Variants in LEPR observed in about 807,000 individuals in gnomAD.
LEPR encodes OB receptor.
Under a neutral mutation model 114.7 loss-of-function variants are expected in LEPR, and 56 were observed. That is an observed-to-expected ratio of 0.49 (90% CI 0.39 to 0.61). The LOEUF is 0.61. LEPR is among the 20% of genes least tolerant of loss of function. The probability of loss-of-function intolerance (pLI) is 0.00; values close to 1 mark genes in which losing one functional copy is unlikely to be tolerated. For missense variants in LEPR, 1,202 were observed against 1,352.9 expected, an observed-to-expected ratio of 0.89 and a Z score of 1.75; for synonymous variants, 443 against 461.4, an observed-to-expected ratio of 0.96 and a Z score of 0.51.
chr1:65,570,816 A>G lies in LEPR; in HGVS notation c.370+14A>G. 1 of 1,532,582 alleles carries G rather than the reference A, an allele frequency of 6.5e-7. No individual in the cohort carries two copies. Among genetic ancestry groups the G allele is most frequent in the Non-Finnish European group, 8.8e-7 (1 of 1,142,202 alleles). 94.9% of individuals were successfully genotyped at this position (1,532,582 alleles called of 1,614,324 possible). The stretch of plus-strand genomic sequence containing the variant: ...TTCAACAAATAGGTAAGCATTAGCT[A>G]TGTTTTAAATGTATTGAACAATGTT... On this transcript the variant is annotated intron_variant, in intron 4 of 19. Coordinates refer to ENST00000349533, the MANE Select transcript of LEPR (RefSeq NM_002303.6).
At chr1:65,451,581 T>C (rs1195855163) in intron 2 of LEPR, among the ~76,000 whole-genome samples, 1 of 152,334 alleles carries the variant, frequency 6.6e-6, no homozygotes, top group South Asian at 2.1e-4. Flanking sequence ...AAAGATCAGA[T>C]AGTTGTAGAT....
chr1:65,580,165 G>C (rs1242106792), intron 5 of LEPR, among the ~76,000 whole-genome samples: 1 of 152,122 alleles, frequency 6.6e-6, no homozygotes, highest in African/African-American at 2.4e-5. Flanking sequence ...ATCACATGCT[G>C]TTTCTGCCTT....
chr1:65,564,534 C>T (rs1653580413), intron 2 of LEPR, among the ~76,000 whole-genome samples: 1 of 91,958 alleles, frequency 1.1e-5, no homozygotes, highest in African/African-American at 4.5e-5. Flanking sequence ...ATGCTGGGAG[C>T]TGTAGACCGG....
At chr1:65,537,822 A>G (rs2100648160) in intron 2 of LEPR, among the ~76,000 whole-genome samples, 1 of 152,328 alleles carries the variant, frequency 6.6e-6, no homozygotes, top group South Asian at 2.1e-4. Flanking sequence ...TGAAAAATTA[A>G]TAAATAGCAT....
intron 2 of LEPR, among the ~76,000 whole-genome samples, chr1:65,502,063 G>C (rs761625953): frequency 2.0e-4 from 30 of 152,198 alleles, no homozygotes; most frequent in Middle Eastern, 3.4e-3. Flanking sequence ...CCACTGGAAG[G>C]GTAATTTTTG....
At chr1:65,483,590 C>T (rs1570536712) in intron 2 of LEPR, among the ~76,000 whole-genome samples, 1 of 152,138 alleles carries the variant, frequency 6.6e-6, no homozygotes, top group African/African-American at 2.4e-5. Flanking sequence ...CCTTAAAATG[C>T]CCTACCAGGA....
At chr1:65,576,534 G>T (rs763279129) in intron 5 of LEPR, 3 of 154,088 alleles carry the variant, frequency 1.9e-5, no homozygotes, top group South Asian at 1.9e-4. Flanking sequence ...GCCCTCTACT[G>T]ATAAAAGTGG....
rs192953056 is a variant in LEPR, at chr1:65,467,241, G to C, written c.-21+41863G>C. On this transcript the variant is annotated intron_variant, in intron 2 of 19. Coordinates refer to ENST00000349533, the MANE Select transcript of LEPR (RefSeq NM_002303.6). Reference sequence around the variant, plus strand: ...TGTAGCTGTCCTTTTTGTTGATGTTGATGCTATTCCTTTCTGTTTGTTAGT... The same window carrying C: ...TGTAGCTGTCCTTTTTGTTGATGTTCATGCTATTCCTTTCTGTTTGTTAGT... 5.2e-4 allele frequency among the ~76,000 whole-genome samples: 79 copies of C among 152,214 alleles called. 1 individual carries two copies. The highest frequency in any genetic ancestry group is 1.8e-3 in the African/African-American group (73 of 41,534).
In LEPR at chr1:65,623,313, C is replaced by G. The variant is rs555801584; in HGVS notation, c.2673+332C>G. ...TTGGATACACTTTTTTTGGTATAAA[C>G]TGTATTTAGGCAAAAGGCTGGAATC... is the stretch of plus-strand genomic sequence containing the variant. On this transcript the variant is annotated intron_variant, in intron 19 of 19. Transcript: ENST00000349533. The G allele has an allele frequency of 4.3e-5, 8 of 185,638 alleles. No homozygotes were observed. In the South Asian group the frequency reaches 1.0e-3, roughly 23 times the overall value. The allele number at this position is 185,638 out of a possible 1,614,324, so 11.5% of individuals were successfully genotyped here. A position where few individuals can be genotyped will look rare whatever the true frequency, so the allele number is the denominator to read the frequency against.
chr1:65,442,376 C>T (rs1415475194), intron 2 of LEPR, among the ~76,000 whole-genome samples: 3 of 152,160 alleles, frequency 2.0e-5, no homozygotes, highest in African/African-American at 7.2e-5. Flanking sequence ...CTCCCCTACT[C>T]CACCCCACTG....
At chr1:65,428,459 C>T (rs1646422780) in intron 2 of LEPR, among the ~76,000 whole-genome samples, 1 of 152,176 alleles carries the variant, frequency 6.6e-6, no homozygotes, top group African/African-American at 2.4e-5. Context: ...CTACTTCCCA[C>T]AATATTGTTT....
intron 2 of LEPR, among the ~76,000 whole-genome samples, chr1:65,466,107 T>C (rs2100394671): frequency 6.6e-6 from 1 of 152,324 alleles, no homozygotes; most frequent in East Asian, 1.9e-4. Flanking sequence ...ATTGATGCAG[T>C]TTCTTCATAG....
intron 10 of LEPR, 114 bp downstream of exon 10, chr1:65,602,074 T>C (rs570406533): frequency 1.1e-6 from 1 of 948,892 alleles, no homozygotes; most frequent in Admixed American, 1.7e-5. Flanking sequence ...AAGAGGAAAG[T>C]ATAATATAAT....
chr1:65,592,353 G>A (rs576563335), intron 5 of LEPR, among the ~76,000 whole-genome samples: 6 of 140,766 alleles, frequency 4.3e-5, no homozygotes, highest in Non-Finnish European at 7.8e-5. Flanking sequence ...GAAAAAAAAA[G>A]CCTTTATTTC....
At chr1:65,625,975 A>T (rs377216403) in intron 19 of LEPR, 1 of 535,878 alleles carries the variant, frequency 1.9e-6, no homozygotes, top group Non-Finnish European at 3.6e-6. Flanking sequence ...AGGCTGAAAC[A>T]CTCTCTCTTC....
At chr1:65,578,302 G>T in intron 5 of LEPR, 2 of 232,824 alleles carry the variant, frequency 8.6e-6, no homozygotes, top group South Asian at 1.4e-4. Flanking sequence ...AAGTTGAAAT[G>T]AACAAAAACC....
chr1:65,474,155 A>G (rs1278153738), intron 2 of LEPR, among the ~76,000 whole-genome samples: 3 of 152,170 alleles, frequency 2.0e-5, no homozygotes, highest in Non-Finnish European at 4.4e-5. Flanking sequence ...TTTTCTGTCT[A>G]TATCATACAC....
At chr1:65,611,833 G>C (rs574490523) in intron 14 of LEPR, among the ~76,000 whole-genome samples, 2 of 152,278 alleles carry the variant, frequency 1.3e-5, no homozygotes, top group East Asian at 3.9e-4. Flanking sequence ...GTGTGACTCA[G>C]CAACTGAATT....
chr1:65,544,852 A>T (rs1462073545), intron 2 of LEPR, among the ~76,000 whole-genome samples: 3 of 150,828 alleles, frequency 2.0e-5, no homozygotes, highest in South Asian at 2.1e-4. Flanking sequence ...CATGTGCACA[A>T]TGTGCAGGTT....
Sources: gnomAD v4.1 joint callset for allele counts (sites outside exome capture counted in the v4.1 genomes callset) on GRCh38, gnomAD v4.1.1 for gene constraint, MANE v1.5 for transcripts, NCBI Gene and HGNC (gene_info 2026-07-23, HGNC 2026-07-21) for gene names.